ERC1: variants seen among roughly 807,000 people sequenced by gnomAD.
ERC1 encodes ELKS/RAB6-interacting/CAST family member 1.
In ERC1, 56 loss-of-function variants were observed where a neutral mutation model predicts 132.0. The ratio of observed to expected loss-of-function variants is 0.42; its 90% CI spans 0.34 to 0.53. The LOEUF (loss-of-function observed/expected upper bound fraction) is 0.53, where lower values mean the gene tolerates loss of function less well. Ranked by LOEUF, ERC1 falls within the 20% of genes least tolerant of loss-of-function variation. The pLI, the probability that ERC1 is intolerant of heterozygous loss-of-function variation, is 0.03. For missense variants in ERC1, 1,202 were observed against 1,349.9 expected (o/e 0.89, Z 1.72); for synonymous variants, 478 against 476.1 (o/e 1.00, Z -0.05).
intron 15 of ERC1, among the ~76,000 whole-genome samples, chr12:1,299,083 G>A (rs1414215019): frequency 1.3e-5 from 2 of 151,952 alleles, no homozygotes; most frequent in African/African-American, 4.8e-5. Flanking sequence ...TCATTACTGG[G>A]GATTTTGACC....
At chr12:1,207,357 A>C (rs1278496067) in intron 12 of ERC1, among the ~76,000 whole-genome samples, 1 of 152,148 alleles carries the variant, frequency 6.6e-6, no homozygotes, top group Non-Finnish European at 1.5e-5. Flanking sequence ...GACCCCATAA[A>C]ATCTATTTAC....
intron 1 of ERC1, among the ~76,000 whole-genome samples, chr12:996,087 TTTTTTTTG>T (rs1268961314): frequency 1.4e-5 from 2 of 143,340 alleles, no homozygotes; most frequent in Non-Finnish European, 3.0e-5. Context: ...TACTTCTCTG[TTTTTTTTG>T]TTTTTTTTTT....
At chr12:1,076,730 T>A (rs1941411960) in intron 2 of ERC1, among the ~76,000 whole-genome samples, 1 of 152,172 alleles carries the variant, frequency 6.6e-6, no homozygotes, top group Admixed American at 6.5e-5. Context: ...AAGGAAGAGG[T>A]ATAACTTCCC....
intron 17 of ERC1, among the ~76,000 whole-genome samples, chr12:1,442,559 C>T (rs1038927535): frequency 7.2e-5 from 11 of 152,168 alleles, no homozygotes; most frequent in African/African-American, 4.8e-5. Context: ...GTTTGTCTAG[C>T]CAGGCTCCAG....
In ERC1 at chr12:1,431,264, T is replaced by C. The variant is rs2154403762; in HGVS notation, c.3025-13298T>C. 2.0e-5 allele frequency among the ~76,000 whole-genome samples: 3 copies of C among 152,322 alleles called. No homozygotes were observed. The South Asian group carries it at 6.2e-4, about 32-fold the overall frequency. On this transcript the variant is annotated intron_variant, in intron 17 of 18. Coordinates refer to ENST00000360905, the MANE Select transcript of ERC1 (RefSeq NM_178040.4). Reference sequence around the variant, plus strand: ...GGACAGGGGCAGATATCTCTAAAATTCCTTCCATCTTTTGTATTCTGTACT... The same window carrying C: ...GGACAGGGGCAGATATCTCTAAAATCCCTTCCATCTTTTGTATTCTGTACT...
intron 14 of ERC1, among the ~76,000 whole-genome samples, chr12:1,281,790 T>G (rs2078695038): frequency 6.6e-6 from 1 of 152,206 alleles, no homozygotes; most frequent in Non-Finnish European, 1.5e-5. Context: ...CAGGTATTTA[T>G]TTTTTAGTTT....
At chr12:1,152,165 A>G (rs150715621) in intron 8 of ERC1, 1 of 151,678 alleles carries the variant, frequency 6.6e-6, no homozygotes, top group East Asian at 1.9e-4. Context: ...GTACCATTGC[A>G]TTCTAGCCTG....
At chr12:1,441,841 A>G (rs1046363784) in intron 17 of ERC1, among the ~76,000 whole-genome samples, 2 of 152,252 alleles carry the variant, frequency 1.3e-5, no homozygotes, top group Admixed American at 6.5e-5. Flanking sequence ...TCATTGGCGC[A>G]CAGAGTGTGC....
At chr12:1,485,222 T>TTTTTG (rs1565533521) in intron 18 of ERC1, among the ~76,000 whole-genome samples, 1 of 146,558 alleles carries the variant, frequency 6.8e-6, no homozygotes, top group Non-Finnish European at 1.5e-5. Context: ...TTTTTTTTTT[T>TTTTTG]GAGACAGAGT....
rs1566120953 is a variant in ERC1, at chr12:1,164,307, A to ATTT, written c.1738-16232_1738-16231insTTT. On this transcript the variant is annotated intron_variant, in intron 8 of 18. Transcript: ENST00000360905. ...TTATTTTATTTTGTTATTTTATTTT[A>ATTT]TGTTATTTTATTTTGTTATTTTATT... Among the ~76,000 whole-genome samples the ATTT allele has an allele frequency of 6.7e-3, 900 of 133,744 alleles. 12 individuals carry two copies. The highest frequency in any genetic ancestry group is 0.025 in the African/African-American group (843 of 33,484). The allele number at this position is 133,744 out of a possible 152,430, so 87.7% of individuals were successfully genotyped here. A position where few individuals can be genotyped will look rare whatever the true frequency, so the allele number is the denominator to read the frequency against.
At chr12:1,018,389 AT>A (rs1430219938) in intron 1 of ERC1, among the ~76,000 whole-genome samples, 3 of 151,974 alleles carry the variant, frequency 2.0e-5, no homozygotes, top group Non-Finnish European at 2.9e-5. Flanking sequence ...TAATTTTTGT[AT>A]TTTTAGTAGA....
chr12:1,447,775 G>A (rs890029792), intron 18 of ERC1, among the ~76,000 whole-genome samples: 16 of 151,744 alleles, frequency 1.1e-4, no homozygotes, highest in African/African-American at 3.1e-4. Context: ...TCAGCCTCCC[G>A]AACAGTTGGA....
At chr12:1,198,089 C>T (rs1157777066) in intron 12 of ERC1, among the ~76,000 whole-genome samples, 1 of 151,974 alleles carries the variant, frequency 6.6e-6, no homozygotes, top group African/African-American at 2.4e-5. Flanking sequence ...CCATGCCCAA[C>T]TAATTTTTGT....
intron 15 of ERC1, among the ~76,000 whole-genome samples, chr12:1,331,065 C>T: frequency 6.6e-6 from 1 of 152,152 alleles, no homozygotes; most frequent in South Asian, 2.1e-4. Context: ...GTTTAGTTCA[C>T]TATATTTTTG....
chr12:1,158,504 C>G (rs539702572), intron 8 of ERC1, among the ~76,000 whole-genome samples: 23 of 151,874 alleles, frequency 1.5e-4, no homozygotes, highest in African/African-American at 4.8e-4. Flanking sequence ...GATCTCGGCT[C>G]ACCGCAACCT....
At chr12:1,126,985 T>C (rs1160696223) in intron 7 of ERC1, among the ~76,000 whole-genome samples, 3 of 22,414 alleles carry the variant, frequency 1.3e-4, no homozygotes, top group Admixed American at 4.8e-4. Flanking sequence ...AGATTCTGTC[T>C]CAAAAAAAAA....
At chr12:1,235,358 C>T (rs975625046) in intron 12 of ERC1, among the ~76,000 whole-genome samples, 1 of 151,610 alleles carries the variant, frequency 6.6e-6, no homozygotes, top group African/African-American at 2.4e-5. Context: ...GATCCCATCT[C>T]GGAAGAAAAA....
intron 7 of ERC1, among the ~76,000 whole-genome samples, chr12:1,135,444 C>G (rs981666426): frequency 3.9e-5 from 6 of 152,130 alleles, no homozygotes; most frequent in African/African-American, 1.4e-4. Flanking sequence ...CTTTACCTAG[C>G]ATTTCTGGGT....
chr12:1,123,087 G>A (rs549132603), intron 7 of ERC1, among the ~76,000 whole-genome samples: 5 of 152,204 alleles, frequency 3.3e-5, no homozygotes, highest in Admixed American at 1.3e-4. Flanking sequence ...TTGTTTGTGG[G>A]AAGATGTAGA....
Sources: gnomAD v4.1 joint callset for allele counts (sites outside exome capture counted in the v4.1 genomes callset) on GRCh38, gnomAD v4.1.1 for gene constraint, MANE v1.5 for transcripts, NCBI Gene and HGNC (gene_info 2026-07-23, HGNC 2026-07-21) for gene names.